SLCO1B3: variants seen among roughly 807,000 people sequenced by gnomAD.
SLCO1B3 encodes the protein liver-specific organic anion transporter 2.
In SLCO1B3, 72 loss-of-function variants were observed where a neutral mutation model predicts 71.8. That is an observed-to-expected ratio of 1.00 (90% CI 0.83 to 1.22). The LOEUF is 1.22. SLCO1B3 is among the 50% of genes most tolerant of loss of function. The probability of loss-of-function intolerance (pLI) is 0.00; values close to 1 mark genes in which losing one functional copy is unlikely to be tolerated. For synonymous variants in SLCO1B3, 298 were observed against 278.4 expected (o/e 1.07, Z -0.70); for missense variants, 911 against 819.7 (o/e 1.11, Z -1.36).
At position 20,877,835 on chromosome 12, in the gene SLCO1B3, C is replaced by A; in HGVS notation, c.1034C>A (p.Thr345Lys). Residue 345 changes from threonine (T) to lysine (K), a missense_variant, in exon 10 of 16, where the codon ACA becomes AAA. Coordinates refer to ENST00000381545, the MANE Select transcript of SLCO1B3 (RefSeq NM_019844.4). ...NPLYVIFLLLTLLQVSSFIGS... is the reference protein window; with the variant it reads ...NPLYVIFLLLKLLQVSSFIGS... ...CTGTATGTTATATTTCTGCTTTTGACATTGTTACAAGTAAGCAGCTTTATT... is the reference window on the plus strand; with the variant it reads ...CTGTATGTTATATTTCTGCTTTTGAAATTGTTACAAGTAAGCAGCTTTATT... 6.3e-7 allele frequency: 1 copy of A among 1,575,804 alleles called. No individual in the cohort carries two copies. Among genetic ancestry groups the A allele is most frequent in the Non-Finnish European group, 8.6e-7 (1 of 1,162,024 alleles).
At chr12:20,904,531 C>T (rs1434878263) in intron 15 of SLCO1B3, among the ~76,000 whole-genome samples, 1 of 152,028 alleles carries the variant, frequency 6.6e-6, no homozygotes, top group Non-Finnish European at 1.5e-5. Context: ...TGGGCTGGTA[C>T]TGAGTGCCTG....
At chr12:20,851,530 TGTTAA>T in intron 3 of SLCO1B3, among the ~76,000 whole-genome samples, 2 of 152,296 alleles carry the variant, frequency 1.3e-5, no homozygotes, top group Middle Eastern at 3.4e-3. Flanking sequence ...TTTTTGTTGT[TGTTAA>T]GTTGCAGAAG....
chr12:20,875,128 G>C (rs1363632877), intron 8 of SLCO1B3, 107 bp from the exon 9 acceptor site: 2 of 1,320,348 alleles, frequency 1.5e-6, no homozygotes, highest in East Asian at 4.6e-5. Context: ...TAAACATTTG[G>C]TTTACTTTCT....
intron 3 of SLCO1B3, among the ~76,000 whole-genome samples, chr12:20,849,620 A>G (rs1864981875): frequency 6.6e-6 from 1 of 152,108 alleles, no homozygotes; most frequent in African/African-American, 2.4e-5. Flanking sequence ...CTTTATTTAC[A>G]GATAACATAA....
At chr12:20,873,747 C>G (rs1182293469) in intron 8 of SLCO1B3, among the ~76,000 whole-genome samples, 1 of 152,128 alleles carries the variant, frequency 6.6e-6, no homozygotes, top group Non-Finnish European at 1.5e-5. Context: ...GCTATTTGTC[C>G]TGATGCTCTC....
chr12:20,826,164 A>G (rs1864416490), intron 3 of SLCO1B3, among the ~76,000 whole-genome samples: 1 of 152,166 alleles, frequency 6.6e-6, no homozygotes. Context: ...TCATAGAACA[A>G]TTAAAGCCAA....
chr12:20,872,975 A>C (rs1288049347), intron 8 of SLCO1B3, among the ~76,000 whole-genome samples: 4 of 152,152 alleles, frequency 2.6e-5, no homozygotes, highest in Admixed American at 2.6e-4. Flanking sequence ...AGGCATCTAG[A>C]GTATGCAGGG....
chr12:20,826,195 G>A (rs1864417120), intron 3 of SLCO1B3, among the ~76,000 whole-genome samples: 2 of 149,172 alleles, frequency 1.3e-5, no homozygotes, highest in African/African-American at 4.9e-5. Context: ...GGTTATGTTA[G>A]AAGAAAACAT....
rs746710534 is a variant in SLCO1B3 at position 20,916,142 on chromosome 12, A to G, written c.2004A>G (p.Glu668=). 33 of 1,613,382 alleles carry G rather than the reference A, an allele frequency of 2.0e-5. No homozygotes were observed. The highest frequency in any genetic ancestry group is 8.5e-7 in the Non-Finnish European group (1 of 1,179,576). Residue 668 remains glutamate, a synonymous_variant, in exon 16 of 16, where the codon GAA becomes GAG. Transcript: ENST00000381545. ...ASDNERKVMD[E]ANLEFLNNGE... ...ACAATGAAAGAAAAGTAATGGATGA[A>G]GCAAACTTAGAATTCTTAAATAATG...
In SLCO1B3 at chr12:20,883,648, C is replaced by T. The variant is rs1286429811; in HGVS notation, c.1682+46C>T. ...CATTGTCATGTATATTAGACTAAAA[C>T]ACACCTAATGATAGGCATATTTTTC... On this transcript the variant is annotated intron_variant, in intron 13 of 15. Coordinates refer to ENST00000381545, the MANE Select transcript of SLCO1B3 (RefSeq NM_019844.4). 4 of 1,240,850 alleles carry T rather than the reference C, an allele frequency of 3.2e-6. No individual in the cohort carries two copies. The East Asian group carries it at 8.3e-5, about 26-fold the overall frequency. 76.9% of individuals were successfully genotyped at this position (1,240,850 alleles called of 1,614,324 possible). A position where few individuals can be genotyped will look rare whatever the true frequency, so the allele number is the denominator to read the frequency against.
At chr12:20,887,152 C>T (rs1410840001) in intron 13 of SLCO1B3, among the ~76,000 whole-genome samples, 1 of 151,986 alleles carries the variant, frequency 6.6e-6, no homozygotes, top group Non-Finnish European at 1.5e-5. Context: ...CATGACTTTG[C>T]TTTTGTCACT....
intron 3 of SLCO1B3, among the ~76,000 whole-genome samples, chr12:20,852,182 A>C (rs538129834): frequency 3.3e-5 from 5 of 152,260 alleles, no homozygotes; most frequent in African/African-American, 9.6e-5. Context: ...TTCTATTTCT[A>C]TACAAATGCT....
chr12:20,903,395 A>T (rs1866169173), intron 15 of SLCO1B3, among the ~76,000 whole-genome samples: 1 of 152,308 alleles, frequency 6.6e-6, no homozygotes, highest in East Asian at 1.9e-4. Flanking sequence ...TAATCAATGT[A>T]TTAGTCTATT....
At chr12:20,903,618 T>G (rs1866172816) in intron 15 of SLCO1B3, among the ~76,000 whole-genome samples, 1 of 151,984 alleles carries the variant, frequency 6.6e-6, no homozygotes, top group Admixed American at 6.5e-5. Flanking sequence ...TGCCACACAC[T>G]TCTAAACCAC....
intron 3 of SLCO1B3, among the ~76,000 whole-genome samples, chr12:20,834,101 A>G (rs904455595): frequency 6.8e-6 from 1 of 146,094 alleles, no homozygotes; most frequent in African/African-American, 2.5e-5. Context: ...CATATATAAT[A>G]TATAAATGCA....
At chr12:20,836,052 A>G (rs1300012657) in intron 3 of SLCO1B3, among the ~76,000 whole-genome samples, 1 of 152,222 alleles carries the variant, frequency 6.6e-6, no homozygotes, top group East Asian at 1.9e-4. Context: ...CAGGCAGAAG[A>G]GTGTGTACAG....
intron 2 of SLCO1B3, among the ~76,000 whole-genome samples, chr12:20,814,979 TTC>T (rs1265476616): frequency 1.9e-3 from 60 of 31,756 alleles, no homozygotes; most frequent in Non-Finnish European, 6.7e-3. Context: ...TTCTTTTCTT[TTC>T]TTTTTTTTTT....
chr12:20,839,806 G>T (rs920844532), intron 3 of SLCO1B3, among the ~76,000 whole-genome samples: 3 of 151,930 alleles, frequency 2.0e-5, no homozygotes, highest in African/African-American at 7.3e-5. Flanking sequence ...TGCTACTTTT[G>T]TAGTTATCCC....
chr12:20,863,227 C>CTCCTTGTGGCTGCTGCA lies in SLCO1B3; in HGVS notation c.727+375_727+391dup, dbSNP rs1285918879. 1.3e-3 allele frequency among the ~76,000 whole-genome samples: 196 copies of CTCCTTGTGGCTGCTGCA among 152,188 alleles called. 1 individual carries two copies. The highest frequency in any genetic ancestry group is 3.4e-3 in the Admixed American group (52 of 15,282). On this transcript the variant is annotated intron_variant, in intron 8 of 15. Coordinates refer to ENST00000381545, the MANE Select transcript of SLCO1B3 (RefSeq NM_019844.4). ...ATGTTGATGTTTGCTTTGCGAAAGC[C>CTCCTTGTGGCTGCTGCA]TCCTTGTGGCTGCTGCATTGACTTA... is the stretch of plus-strand genomic sequence containing the variant.
Sources: allele counts gnomAD v4.1 joint callset (sites outside exome capture counted in the v4.1 genomes callset), GRCh38; gene constraint gnomAD v4.1.1; transcripts MANE v1.5; gene names NCBI Gene and HGNC (gene_info 2026-07-23, HGNC 2026-07-21).